Variants in PRR5L observed in about 807,000 individuals in gnomAD.
PRR5L encodes the protein proline-rich protein 5-like.
Under a neutral mutation model 36.4 loss-of-function variants are expected in PRR5L, and 21 were observed. That is an observed-to-expected ratio of 0.58 (90% CI 0.41 to 0.83). The LOEUF is 0.83. Ranked by LOEUF, PRR5L falls within the 40% of genes least tolerant of loss-of-function variation. The pLI, the probability that PRR5L is intolerant of heterozygous loss-of-function variation, is 0.00. For synonymous variants in PRR5L, 188 were observed against 197.0 expected, an observed-to-expected ratio of 0.95 and a Z score of 0.38; for missense variants, 381 against 473.3, an observed-to-expected ratio of 0.80 and a Z score of 1.81.
chr11:36,428,226 A>C (rs1858422971), intron 4 of PRR5L, among the ~76,000 whole-genome samples: 1 of 152,032 alleles, frequency 6.6e-6, no homozygotes, highest in Non-Finnish European at 1.5e-5. Context: ...CCTCCTGGGG[A>C]GGTGGTGAGG....
At chr11:36,431,736 C>A in intron 4 of PRR5L, 117 bp from the exon 5 acceptor site, 1 of 886,910 alleles carries the variant, frequency 1.1e-6, no homozygotes, top group Non-Finnish European at 1.8e-6. Flanking sequence ...CTCCGAGGCA[C>A]GGCTAGAACA....
At chr11:36,327,015 C>T (rs72950011) in intron 1 of PRR5L, among the ~76,000 whole-genome samples, 3,371 of 152,214 alleles carry the variant, frequency 0.022, 77 homozygotes, top group East Asian at 0.099. Context: ...TGACTCTGTG[C>T]CCCCAGTTGG....
chr11:36,431,362 C>T (rs1858488972), intron 4 of PRR5L, among the ~76,000 whole-genome samples: 1 of 152,210 alleles, frequency 6.6e-6, no homozygotes, highest in African/African-American at 2.4e-5. Flanking sequence ...CACAATTTCC[C>T]ATGCACACAT....
intron 3 of PRR5L, among the ~76,000 whole-genome samples, chr11:36,403,659 A>T (rs1462710125): frequency 6.6e-6 from 1 of 152,148 alleles, no homozygotes; most frequent in African/African-American, 2.4e-5. Flanking sequence ...TTCTGTAAGC[A>T]TTTATTGTGC....
chr11:36,300,310 C>T (rs536104010), intron 1 of PRR5L, among the ~76,000 whole-genome samples: 261 of 152,154 alleles, frequency 1.7e-3, no homozygotes, highest in South Asian at 9.3e-3. Flanking sequence ...GCATGTCACA[C>T]GGTGAGAAAG....
At chr11:36,371,413 T>C (rs995575410) in intron 1 of PRR5L, among the ~76,000 whole-genome samples, 1 of 152,252 alleles carries the variant, frequency 6.6e-6, no homozygotes, top group African/African-American at 2.4e-5. Flanking sequence ...GCAAGTTTTA[T>C]ATCTAGATTG....
chr11:36,351,705 ATT>A (rs1375591551), intron 1 of PRR5L, among the ~76,000 whole-genome samples: 1 of 96,828 alleles, frequency 1.0e-5, no homozygotes, highest in Non-Finnish European at 1.9e-5. Flanking sequence ...ATATTTATAT[ATT>A]TATTTATATA....
chr11:36,375,518 C>T (rs1295648677), intron 1 of PRR5L, among the ~76,000 whole-genome samples: 3 of 152,118 alleles, frequency 2.0e-5, no homozygotes, highest in South Asian at 4.1e-4. Context: ...AAAGGACATG[C>T]ACATCTTTTT....
At chr11:36,310,690 T>C (rs1267459640) in intron 1 of PRR5L, among the ~76,000 whole-genome samples, 1 of 152,230 alleles carries the variant, frequency 6.6e-6, no homozygotes, top group East Asian at 1.9e-4. Context: ...GCAACTTCCT[T>C]AGTCACTGGT....
intron 1 of PRR5L, among the ~76,000 whole-genome samples, chr11:36,373,306 T>C (rs1857216144): frequency 6.6e-6 from 1 of 152,202 alleles, no homozygotes; most frequent in Non-Finnish European, 1.5e-5. Context: ...ATTCTGTTTC[T>C]TAATAAGAAA....
intron 1 of PRR5L, among the ~76,000 whole-genome samples, chr11:36,400,504 G>A (rs1857768244): frequency 6.6e-6 from 1 of 152,180 alleles, no homozygotes; most frequent in African/African-American, 2.4e-5. Flanking sequence ...GTAAGGGAAG[G>A]TGAGATGTGC....
At chr11:36,414,496 T>C in intron 3 of PRR5L, among the ~76,000 whole-genome samples, 1 of 147,878 alleles carries the variant, frequency 6.8e-6, no homozygotes, top group East Asian at 2.0e-4. Context: ...GTTTTTTGGC[T>C]GCATAAATGT....
intron 1 of PRR5L, among the ~76,000 whole-genome samples, chr11:36,310,714 AG>A (rs1856491223): frequency 6.6e-6 from 1 of 152,094 alleles, no homozygotes; most frequent in Admixed American, 6.5e-5. Flanking sequence ...GAATGTTCTC[AG>A]GGGCTGGGTG....
chr11:36,315,287 A>C (rs2133458843), intron 1 of PRR5L, among the ~76,000 whole-genome samples: 1 of 152,360 alleles, frequency 6.6e-6, no homozygotes, highest in East Asian at 1.9e-4. Flanking sequence ...AGAAAAGCAT[A>C]GCTATTATTA....
intron 4 of PRR5L, among the ~76,000 whole-genome samples, chr11:36,421,576 C>A (rs993888417): frequency 1.3e-5 from 2 of 152,000 alleles, no homozygotes; most frequent in Non-Finnish European, 2.9e-5. Context: ...GTCATGTGGG[C>A]ACACAGCTTT....
At chr11:36,309,940 A>G (rs540972155) in intron 1 of PRR5L, among the ~76,000 whole-genome samples, 1 of 1,122 alleles carries the variant, frequency 8.9e-4, no homozygotes, top group East Asian at 0.1. Flanking sequence ...ACTCCATGTC[A>G]AAGAATGACT....
At chr11:36,360,255 C>T (rs185976015) in intron 1 of PRR5L, among the ~76,000 whole-genome samples, 17 of 152,206 alleles carry the variant, frequency 1.1e-4, no homozygotes, top group African/African-American at 4.1e-4. Flanking sequence ...GGTTACCTCC[C>T]TAAGTGTTGA....
At chr11:36,302,772 G>A (rs10768205) in intron 1 of PRR5L, among the ~76,000 whole-genome samples, 145,227 of 152,200 alleles carry the variant, frequency 0.95, 69,332 homozygotes, top group Non-Finnish European at 0.96. Context: ...CCTGGGTGAC[G>A]GAGCGAGACT....
At chr11:36,316,309 C>G (rs1856556585) in intron 1 of PRR5L, among the ~76,000 whole-genome samples, 1 of 152,186 alleles carries the variant, frequency 6.6e-6, no homozygotes, top group African/African-American at 2.4e-5. Context: ...CTTTAACCAT[C>G]TGATGGGTTC....
Sources: gnomAD v4.1 joint callset for allele counts (sites outside exome capture counted in the v4.1 genomes callset) on GRCh38, gnomAD v4.1.1 for gene constraint, MANE v1.5 for transcripts, NCBI Gene and HGNC (gene_info 2026-07-23, HGNC 2026-07-21) for gene names.